Variants in MYPN observed in about 807,000 individuals in gnomAD.
MYPN encodes the protein myopalladin.
Under a neutral mutation model 129.4 loss-of-function variants are expected in MYPN, and 63 were observed. That is an observed-to-expected ratio of 0.49 (90% CI 0.40 to 0.60). The LOEUF (loss-of-function observed/expected upper bound fraction) is 0.60, where lower values mean the gene tolerates loss of function less well. Ranked by LOEUF, MYPN falls within the 20% of genes least tolerant of loss-of-function variation. The pLI, the probability that MYPN is intolerant of heterozygous loss-of-function variation, is 0.00. For missense variants in MYPN, 1,596 were observed against 1,635.4 expected (o/e 0.98, Z 0.42); for synonymous variants, 629 against 600.9 (o/e 1.05, Z -0.68).
Position 68,166,514 on chromosome 10 carries a change from A to G in MYPN, c.1821A>G (p.Lys607=), listed in dbSNP as rs1246601590. The G allele has an allele frequency of 6.2e-7, 1 of 1,614,168 alleles. No individual in the cohort carries two copies. The highest frequency in any genetic ancestry group is 8.5e-7 in the Non-Finnish European group (1 of 1,180,022). ...ACTTCAACCTGCCTGAAGATGACAA[A>G]GGAAGTGAAGCATCCTCCGAGGCTG... The part of the protein sequence containing the change: ...RVHFNLPEDD[K]GSEASSEAGV... Residue 607 remains lysine, a synonymous_variant, in exon 10 of 20, where the codon AAA becomes AAG. Coordinates refer to ENST00000358913, the MANE Select transcript of MYPN (RefSeq NM_032578.4).
chr10:68,151,759 G>A (rs985696801), intron 6 of MYPN, among the ~76,000 whole-genome samples: 3 of 152,174 alleles, frequency 2.0e-5, no homozygotes, highest in Non-Finnish European at 4.4e-5. Context: ...AGACAGACAG[G>A]TGACATCAGA....
At chr10:68,176,976 T>C (rs2134210053) in intron 12 of MYPN, among the ~76,000 whole-genome samples, 1 of 152,368 alleles carries the variant, frequency 6.6e-6, no homozygotes, top group African/African-American at 2.4e-5. Flanking sequence ...CTTCTAAGTG[T>C]CATTGTAATT....
rs7917519 is a variant in MYPN at position 68,174,778 on chromosome 10, G to A, written c.2564+122G>A. On this transcript the variant is annotated intron_variant, in intron 11 of 19. Transcript: ENST00000358913. ...TTCCTAGATAATCTTATTCTCTTAG[G>A]CACAGAATGGATGTGGAACACTTCA... 712,480 of 882,344 alleles carry A rather than the reference G, an allele frequency of 0.81. 288,767 individuals carry two copies. The highest frequency in any genetic ancestry group is 0.89 in the East Asian group (34,232 of 38,258). 54.7% of individuals were successfully genotyped at this position (882,344 alleles called of 1,614,324 possible).
intron 8 of MYPN, among the ~76,000 whole-genome samples, chr10:68,162,350 C>T (rs117601638): frequency 1.3e-5 from 2 of 152,148 alleles, no homozygotes; most frequent in Non-Finnish European, 2.9e-5. Flanking sequence ...CCATTTGAGC[C>T]CTCTCAAAAC....
At chr10:68,124,206 G>C (rs78250315) in intron 2 of MYPN, among the ~76,000 whole-genome samples, 3,662 of 152,258 alleles carry the variant, frequency 0.024, 219 homozygotes, top group East Asian at 0.2. Flanking sequence ...TGGAACCAGC[G>C]TTAGCCCCTA....
intron 1 of MYPN, among the ~76,000 whole-genome samples, chr10:68,098,282 C>G (rs2041966563): frequency 6.6e-6 from 1 of 151,976 alleles, no homozygotes; most frequent in Non-Finnish European, 1.5e-5. Flanking sequence ...GGCTTTTATG[C>G]TTATCTATTT....
intron 15 of MYPN, among the ~76,000 whole-genome samples, chr10:68,196,444 T>C (rs548292424): frequency 7.3e-5 from 11 of 151,438 alleles, no homozygotes; most frequent in African/African-American, 2.2e-4. Context: ...ATGTTTCAGA[T>C]ACAGTATTTC....
intron 1 of MYPN, among the ~76,000 whole-genome samples, chr10:68,115,694 A>G (rs2042147209): frequency 2.0e-5 from 3 of 152,196 alleles, no homozygotes; most frequent in African/African-American, 4.8e-5. Context: ...AAAACCTTTA[A>G]GTGGTTTCCC....
intron 11 of MYPN, among the ~76,000 whole-genome samples, 197 bp from the exon 12 acceptor site, chr10:68,175,126 T>C (rs1329355294): frequency 5.6e-5 from 3 of 53,806 alleles, no homozygotes; most frequent in African/African-American, 1.3e-4. Flanking sequence ...ACAGAGACTC[T>C]GTCTCAAAAA....
intron 2 of MYPN, among the ~76,000 whole-genome samples, chr10:68,141,367 CAAA>C (rs34852415): frequency 6.5e-5 from 6 of 92,296 alleles, no homozygotes; most frequent in Admixed American, 2.4e-4. Context: ...GACTCGGTCT[CAAA>C]AAAAAAAAAA....
At chr10:68,161,871 G>C (rs959911347) in intron 8 of MYPN, 119 bp downstream of exon 8, 2 of 823,730 alleles carry the variant, frequency 2.4e-6, no homozygotes, top group Admixed American at 2.6e-5. Flanking sequence ...AGGAAAAAAA[G>C]ATCCAAATGG....
chr10:68,101,816 T>C (rs1001616693), upstream of MYPN, among the ~76,000 whole-genome samples: 4 of 152,138 alleles, frequency 2.6e-5, no homozygotes, highest in African/African-American at 9.6e-5. Context: ...CTGATTTCAA[T>C]TGTATAGGTC....
chr10:68,203,459 C>T (rs1383088388), intron 18 of MYPN, among the ~76,000 whole-genome samples: 1 of 149,998 alleles, frequency 6.7e-6, no homozygotes, highest in Non-Finnish European at 1.5e-5. Flanking sequence ...CATGGTGGCA[C>T]ACACCTGTAG....
intron 4 of MYPN, 44 bp from the exon 5 acceptor site, chr10:68,148,309 A>G: frequency 7.0e-7 from 1 of 1,423,214 alleles, no homozygotes; most frequent in Non-Finnish European, 9.9e-7. Context: ...TTTCACAAAG[A>G]GTGATAGGTC....
chr10:68,098,239 C>G (rs566814256), intron 1 of MYPN, among the ~76,000 whole-genome samples: 1 of 151,834 alleles, frequency 6.6e-6, no homozygotes, highest in Admixed American at 6.6e-5. Context: ...GAGCGAGACT[C>G]TGTCTCCAAA....
intron 1 of MYPN, among the ~76,000 whole-genome samples, chr10:68,097,004 A>G (rs2133940604): frequency 6.6e-6 from 1 of 152,328 alleles, no homozygotes; most frequent in African/African-American, 2.4e-5. Context: ...TTATTTGGCT[A>G]AAGAAGGATT....
intron 15 of MYPN, among the ~76,000 whole-genome samples, chr10:68,196,598 C>G (rs2043611350): frequency 6.6e-6 from 1 of 150,804 alleles, no homozygotes; most frequent in Non-Finnish European, 1.5e-5. Flanking sequence ...ATCTTCCCAC[C>G]TCAGCCTTCC....
At chr10:68,188,135 AGTT>A (rs1340993540) in intron 12 of MYPN, among the ~76,000 whole-genome samples, 1 of 152,098 alleles carries the variant, frequency 6.6e-6, no homozygotes, top group Admixed American at 6.6e-5. Flanking sequence ...TTTGACACAG[AGTT>A]GTGCTCTGTT....
Position 68,161,768 on chromosome 10 carries a change from A to T in MYPN, c.1483+16A>T. On this transcript the variant is annotated intron_variant, in intron 8 of 19. Transcript: ENST00000358913. ...GCAGAGCCAGGTAAAGATGATTTCA[A>T]CTTTAATTTATTAGTATATGAGTGA... 3 of 1,589,324 alleles carry T rather than the reference A, an allele frequency of 1.9e-6. No individual in the cohort carries two copies. Among genetic ancestry groups the T allele is most frequent in the Non-Finnish European group, 2.6e-6 (3 of 1,158,162 alleles).
Sources: allele counts gnomAD v4.1 joint callset (sites outside exome capture counted in the v4.1 genomes callset), GRCh38; gene constraint gnomAD v4.1.1; transcripts MANE v1.5; gene names NCBI Gene and HGNC (gene_info 2026-07-23, HGNC 2026-07-21).